MYO10: variants seen among roughly 807,000 people sequenced by gnomAD.
MYO10 encodes unconventional myosin-X.
MYO10 carries 133 observed loss-of-function variants against 257.3 expected under a neutral mutation model. That is an observed-to-expected ratio of 0.52 (90% CI 0.45 to 0.60). MYO10 has a LOEUF of 0.60. Ranked by LOEUF, MYO10 falls within the 20% of genes least tolerant of loss-of-function variation. MYO10 has a pLI of 0.00. For missense variants in MYO10, 2,399 were observed against 2,635.7 expected, an observed-to-expected ratio of 0.91 and a Z score of 1.97; for synonymous variants, 1,104 against 1,028.6, an observed-to-expected ratio of 1.07 and a Z score of -1.40.
intron 2 of MYO10, among the ~76,000 whole-genome samples, chr5:16,834,363 C>A (rs374858232): frequency 6.6e-6 from 1 of 152,128 alleles, no homozygotes; most frequent in Admixed American, 6.5e-5. Flanking sequence ...GGACGTGGAA[C>A]TGCATGTGGG....
intron 1 of MYO10, among the ~76,000 whole-genome samples, chr5:16,920,995 G>A (rs1745963821): frequency 6.6e-6 from 1 of 152,082 alleles, no homozygotes; most frequent in Non-Finnish European, 1.5e-5. Context: ...GTGGGCGCCT[G>A]TAATCCCAGC....
At chr5:16,929,486 T>C (rs1561065662) in intron 1 of MYO10, among the ~76,000 whole-genome samples, 3 of 152,170 alleles carry the variant, frequency 2.0e-5, no homozygotes, top group Non-Finnish European at 4.4e-5. Context: ...TCTCTGTGGC[T>C]CTGGACACAG....
chr5:16,760,369 G>A (rs1438995057), intron 17 of MYO10, among the ~76,000 whole-genome samples: 1 of 151,064 alleles, frequency 6.6e-6, no homozygotes, highest in African/African-American at 2.4e-5. Flanking sequence ...GCTGAGGCAG[G>A]AGAATGGCGT....
At chr5:16,850,569 C>G (rs1426683298) in intron 2 of MYO10, among the ~76,000 whole-genome samples, 1 of 152,008 alleles carries the variant, frequency 6.6e-6, no homozygotes, top group Non-Finnish European at 1.5e-5. Context: ...AGCCACCATA[C>G]CTGGCTGCTT....
At chr5:16,935,402 A>G (rs1319836949) in intron 1 of MYO10, among the ~76,000 whole-genome samples, 7 of 152,116 alleles carry the variant, frequency 4.6e-5, no homozygotes, top group Non-Finnish European at 1.0e-4. Flanking sequence ...CCTTTCTTGG[A>G]GAAAGGCAGG....
chr5:16,795,140 T>G (rs1293559343), intron 3 of MYO10, among the ~76,000 whole-genome samples: 1 of 152,202 alleles, frequency 6.6e-6, no homozygotes, highest in Non-Finnish European at 1.5e-5. Flanking sequence ...TCCCTTCCCA[T>G]GGGCAAAGGA....
intron 18 of MYO10, 56 bp from the exon 19 acceptor site, chr5:16,754,964 C>A: frequency 8.5e-7 from 1 of 1,170,470 alleles, no homozygotes; most frequent in Non-Finnish European, 1.2e-6. Flanking sequence ...CTTTAAATTT[C>A]TCAGTACTCT....
intron 21 of MYO10, among the ~76,000 whole-genome samples, chr5:16,707,740 T>C (rs1738410004): frequency 6.6e-6 from 1 of 152,132 alleles, no homozygotes; most frequent in Non-Finnish European, 1.5e-5. Context: ...AGCAGGGAAA[T>C]ACATTGCAAT....
chr5:16,896,859 G>A (rs1044073039), intron 1 of MYO10, among the ~76,000 whole-genome samples: 2 of 152,084 alleles, frequency 1.3e-5, no homozygotes, highest in Admixed American at 1.3e-4. Context: ...CCTCTTGTCT[G>A]TGGATTCATC....
intron 19 of MYO10, among the ~76,000 whole-genome samples, chr5:16,745,060 C>A (rs957024604): frequency 1.3e-5 from 2 of 152,348 alleles, no homozygotes; most frequent in East Asian, 3.9e-4. Flanking sequence ...CTTTCCCAGG[C>A]CGGGCGCGGT....
intron 40 of MYO10, among the ~76,000 whole-genome samples, chr5:16,667,422 G>A (rs755767444): frequency 6.6e-6 from 1 of 152,062 alleles, no homozygotes; most frequent in African/African-American, 2.4e-5. Flanking sequence ...CCATATCCCT[G>A]TTTGCTCTCT....
intron 2 of MYO10, among the ~76,000 whole-genome samples, chr5:16,829,142 G>A (rs1743090665): frequency 6.6e-6 from 1 of 152,144 alleles, no homozygotes; most frequent in East Asian, 1.9e-4. Flanking sequence ...ACAGGTAATG[G>A]CCAGGAGGGA....
chr5:16,673,348 A>G (rs1460199472), intron 36 of MYO10, among the ~76,000 whole-genome samples: 1 of 121,756 alleles, frequency 8.2e-6, no homozygotes, highest in Non-Finnish European at 1.5e-5. Flanking sequence ...ACGTGCAAAC[A>G]AACACTTTGT....
intron 2 of MYO10, among the ~76,000 whole-genome samples, chr5:16,870,349 C>T (rs896029817): frequency 6.6e-6 from 1 of 151,324 alleles, no homozygotes; most frequent in African/African-American, 2.5e-5. Context: ...TAATTATGAC[C>T]CTAAGGCATT....
intron 2 of MYO10, among the ~76,000 whole-genome samples, chr5:16,826,947 T>C (rs2625197): frequency 0.61 from 92,314 of 152,086 alleles, 28,751 homozygotes; most frequent in African/African-American, 0.74. Context: ...GACTGGTGTA[T>C]GCGTGCTTAA....
At chr5:16,825,003 TAAG>T (rs1362761482) in intron 2 of MYO10, among the ~76,000 whole-genome samples, 29 of 152,342 alleles carry the variant, frequency 1.9e-4, no homozygotes, top group Non-Finnish European at 4.4e-5. Context: ...TGACCCAAGT[TAAG>T]GAGGAGGAGG....
At position 16,664,049 on chromosome 5, in the gene MYO10, G is replaced by A. The variant is rs1003061010; in HGVS notation, c.*2643C>T. ...GTTCTGTGGCTAGGGGAAGCTCAAC[G>A]GTACTTTGTCAGCTGTGATGCTGCT... On this transcript the variant is annotated 3_prime_UTR_variant, in exon 41 of 41. Transcript: ENST00000513610. 3.9e-5 allele frequency: 6 copies of A among 152,118 alleles called. No homozygotes were observed. Among genetic ancestry groups the A allele is most frequent in the Middle Eastern group, 3.2e-3 (1 of 316 alleles). The allele number at this position is 152,118 out of a possible 1,614,324, so 9.4% of individuals were successfully genotyped here.
intron 4 of MYO10, among the ~76,000 whole-genome samples, chr5:16,792,948 A>G (rs1437092655): frequency 6.6e-6 from 1 of 152,080 alleles, no homozygotes. Flanking sequence ...CATAATAACT[A>G]TTCTGAGGAA....
At chr5:16,876,651 T>C (rs533692143) in intron 2 of MYO10, among the ~76,000 whole-genome samples, 1 of 152,262 alleles carries the variant, frequency 6.6e-6, no homozygotes, top group South Asian at 2.1e-4. Flanking sequence ...GCCTCGCAGG[T>C]TGAAGCAATT....
Sources: allele counts gnomAD v4.1 joint callset (sites outside exome capture counted in the v4.1 genomes callset), GRCh38; gene constraint gnomAD v4.1.1; transcripts MANE v1.5; gene names NCBI Gene and HGNC (gene_info 2026-07-23, HGNC 2026-07-21).